The following XPR1 variants were observed in gnomAD, a reference collection of about 807,000 sequenced individuals.
XPR1 encodes the protein xenotropic and polytropic retrovirus receptor 1.
In XPR1, 28 loss-of-function variants were observed where a neutral mutation model predicts 87.5. The observed-to-expected ratio is 0.32, with a 90% confidence interval of 0.24 to 0.44. XPR1 has a LOEUF of 0.44. XPR1 is among the 20% of genes least tolerant of loss of function. The pLI is 1.00. For synonymous variants in XPR1, 300 were observed against 306.1 expected (o/e 0.98, Z 0.21); for missense variants, 559 against 862.3 (o/e 0.65, Z 4.41).
intron 2 of XPR1, among the ~76,000 whole-genome samples, chr1:180,717,391 TG>T (rs1658032333): frequency 6.6e-6 from 1 of 152,194 alleles, no homozygotes; most frequent in Non-Finnish European, 1.5e-5. Context: ...ATGCTGTTCT[TG>T]TGGAGGACCA....
chr1:180,878,291 C>A (rs1254864211), intron 13 of XPR1: 1 of 152,116 alleles, frequency 6.6e-6, no homozygotes. Context: ...AACAAAAAAA[C>A]CATCTTTAGA....
intron 2 of XPR1, among the ~76,000 whole-genome samples, chr1:180,738,330 G>A (rs770242878): frequency 3.9e-5 from 6 of 152,126 alleles, no homozygotes; most frequent in Non-Finnish European, 7.4e-5. Context: ...ACAAGAAACT[G>A]CCAAACTGTT....
At chr1:180,739,227 A>C (rs1009720923) in intron 2 of XPR1, among the ~76,000 whole-genome samples, 1 of 152,128 alleles carries the variant, frequency 6.6e-6, no homozygotes, top group Admixed American at 6.5e-5. Flanking sequence ...ATTCTGTTTC[A>C]TTAGTTTATA....
At chr1:180,855,331 A>G (rs573562094) in intron 11 of XPR1, among the ~76,000 whole-genome samples, 1 of 152,310 alleles carries the variant, frequency 6.6e-6, no homozygotes, top group East Asian at 1.9e-4. Flanking sequence ...TCCTTTGTTA[A>G]CATATTATTA....
intron 7 of XPR1, among the ~76,000 whole-genome samples, chr1:180,822,115 T>G (rs548894770): frequency 3.3e-5 from 5 of 152,318 alleles, no homozygotes; most frequent in Admixed American, 3.3e-4. Flanking sequence ...TTAAAATAAT[T>G]CATGAGGTCA....
chr1:180,748,120 C>T (rs1647337214), intron 2 of XPR1, among the ~76,000 whole-genome samples: 1 of 152,114 alleles, frequency 6.6e-6, no homozygotes, highest in African/African-American at 2.4e-5. Context: ...TTACCATTTA[C>T]CACCTGTGTG....
Position 180,656,577 on chromosome 1 carries a change from A to ATT in XPR1, c.69+24308_69+24309insTT, listed in dbSNP as rs1388241724. 9.7e-3 allele frequency among the ~76,000 whole-genome samples: 514 copies of ATT among 53,022 alleles called. 5 individuals are homozygous for ATT. Among genetic ancestry groups the ATT allele is most frequent in the Non-Finnish European group, 0.013 (344 of 27,478 alleles). 34.8% of individuals were successfully genotyped at this position (53,022 alleles called of 152,430 possible). On this transcript the variant is annotated intron_variant, in intron 1 of 14. Coordinates refer to ENST00000367590, the MANE Select transcript of XPR1 (RefSeq NM_004736.4). ...TATATGTATAATATATATTTTATAT[A>ATT]TGTATGTATAATATATATTTTATAT...
At chr1:180,733,869 G>A (rs1276789719) in intron 2 of XPR1, among the ~76,000 whole-genome samples, 4 of 152,304 alleles carry the variant, frequency 2.6e-5, no homozygotes, top group Non-Finnish European at 5.9e-5. Flanking sequence ...TGATGATAAC[G>A]TTAATAATAG....
chr1:180,726,352 C>T (rs900304565), intron 2 of XPR1, among the ~76,000 whole-genome samples: 1 of 152,168 alleles, frequency 6.6e-6, no homozygotes, highest in Non-Finnish European at 1.5e-5. Flanking sequence ...AAGCTTTGTT[C>T]TTTCTCTCTT....
intron 12 of XPR1, 50 bp from the exon 13 acceptor site, chr1:180,873,753 T>C: frequency 5.0e-6 from 8 of 1,596,726 alleles, no homozygotes; most frequent in Non-Finnish European, 6.0e-6. Context: ...GTATGCCTAT[T>C]TATGAGAAAT....
chr1:180,803,989 TTTTTTTTC>T (rs545174651), intron 4 of XPR1, among the ~76,000 whole-genome samples: 20 of 151,994 alleles, frequency 1.3e-4, no homozygotes, highest in African/African-American at 4.6e-4. Context: ...CCTTTCTTTT[TTTTTTTTC>T]TTTTTTGAAA....
rs113763392 is a variant in XPR1, at chr1:180,834,086, ATT to A, written c.1135-775_1135-774del. Among the ~76,000 whole-genome samples the A allele has an allele frequency of 1.6e-3, 237 of 146,538 alleles. 1 individual carries two copies. The highest frequency in any genetic ancestry group is 5.0e-3 in the African/African-American group (202 of 40,070). ...ACTTAGAAATGTACATATTGTAATA[ATT>A]TTTTTTTTTTTTGAGATGGAGCCTT... is the stretch of plus-strand genomic sequence containing the variant. On this transcript the variant is annotated intron_variant, in intron 9 of 14. Transcript: ENST00000367590.
intron 7 of XPR1, among the ~76,000 whole-genome samples, chr1:180,824,441 C>T (rs1201719376): frequency 3.9e-5 from 6 of 152,062 alleles, no homozygotes; most frequent in Middle Eastern, 3.4e-3. Flanking sequence ...ATTAGCTGGG[C>T]GTGGTGGTGC....
chr1:180,740,732 C>T (rs902068727), intron 2 of XPR1, among the ~76,000 whole-genome samples: 6 of 152,102 alleles, frequency 3.9e-5, no homozygotes, highest in African/African-American at 1.4e-4. Flanking sequence ...GACAGAATGC[C>T]ACATAGACTG....
rs1159540737 is a variant in XPR1 at position 180,834,801 on chromosome 1, GT to G, written c.1135-72del. 11 of 1,460,694 alleles carry G rather than the reference GT, an allele frequency of 7.5e-6. No individual in the cohort carries two copies. In the Middle Eastern group the frequency reaches 5.7e-4, roughly 75 times the overall value. 90.5% of individuals were successfully genotyped at this position (1,460,694 alleles called of 1,614,324 possible). On this transcript the variant is annotated intron_variant, in intron 9 of 14. Transcript: ENST00000367590. ...TCAACTAAAGTAATCATGCTGAATG[GT>G]CAGACATGAAATGGAGACATTTAAT... is the stretch of plus-strand genomic sequence containing the variant.
intron 9 of XPR1, among the ~76,000 whole-genome samples, chr1:180,827,591 T>G (rs1489033613): frequency 6.6e-6 from 1 of 152,206 alleles, no homozygotes; most frequent in Non-Finnish European, 1.5e-5. Context: ...AATAATAAAA[T>G]GTACTATCAG....
intron 1 of XPR1, among the ~76,000 whole-genome samples, chr1:180,656,646 TTA>T (rs1557941897): frequency 1.0e-5 from 1 of 100,230 alleles, no homozygotes; most frequent in Non-Finnish European, 1.9e-5. Flanking sequence ...TAATATATTA[TTA>T]TATATAATAT....
intron 2 of XPR1, among the ~76,000 whole-genome samples, chr1:180,710,203 G>GTT (rs60565276): frequency 0.035 from 4,848 of 138,664 alleles, 274 homozygotes; most frequent in African/African-American, 0.12. Context: ...GTTTAATTTA[G>GTT]TTTTTTTTTT....
intron 1 of XPR1, among the ~76,000 whole-genome samples, chr1:180,637,273 A>G (rs1233208546): frequency 6.6e-6 from 1 of 152,216 alleles, no homozygotes; most frequent in Non-Finnish European, 1.5e-5. Context: ...ATAATCATTA[A>G]TCCAGTTATG....
Sources: gnomAD v4.1 joint callset for allele counts (sites outside exome capture counted in the v4.1 genomes callset) on GRCh38, gnomAD v4.1.1 for gene constraint, MANE v1.5 for transcripts, NCBI Gene and HGNC (gene_info 2026-07-23, HGNC 2026-07-21) for gene names.